The following GAS2 variants were observed in gnomAD, a reference collection of about 807,000 sequenced individuals.
GAS2 encodes growth arrest-specific protein 2.
GAS2 carries 20 observed loss-of-function variants against 37.5 expected under a neutral mutation model. The ratio of observed to expected loss-of-function variants is 0.53; its 90% confidence interval spans 0.37 to 0.77. The LOEUF (loss-of-function observed/expected upper bound fraction) is 0.77, where lower values mean the gene tolerates loss of function less well. Ranked by LOEUF, GAS2 falls within the 30% of genes least tolerant of loss-of-function variation. The probability of loss-of-function intolerance (pLI) is 0.00; values close to 1 mark genes in which losing one functional copy is unlikely to be tolerated. For synonymous variants in GAS2, 144 were observed against 132.2 expected, an observed-to-expected ratio of 1.09 and a Z score of -0.61; for missense variants, 336 against 373.4, an observed-to-expected ratio of 0.90 and a Z score of 0.82.
chr11:22,682,887 GGAAAAA>G (rs1223835380), intron 2 of GAS2, among the ~76,000 whole-genome samples: 1 of 73,672 alleles, frequency 1.4e-5, no homozygotes, highest in African/African-American at 6.5e-5. Flanking sequence ...AAAAAAAAAA[GGAAAAA>G]AAAAAAAAAA....
chr11:22,800,386 G>A (rs1185043612), intron 7 of GAS2, among the ~76,000 whole-genome samples: 1 of 152,044 alleles, frequency 6.6e-6, no homozygotes, highest in Non-Finnish European at 1.5e-5. Flanking sequence ...TATTTCTCAG[G>A]TGAGCTGTAG....
chr11:22,766,270 CTT>C (rs1008690218), intron 7 of GAS2, among the ~76,000 whole-genome samples: 1 of 149,370 alleles, frequency 6.7e-6, no homozygotes, highest in Non-Finnish European at 1.5e-5. Context: ...CCTCACAACT[CTT>C]TGAGGTAGGC....
intron 4 of GAS2, among the ~76,000 whole-genome samples, chr11:22,734,068 G>T (rs1852620844): frequency 6.6e-6 from 1 of 151,702 alleles, no homozygotes; most frequent in Admixed American, 6.6e-5. Context: ...TAGGGCTTTA[G>T]TACAAACACA....
At chr11:22,728,604 G>T (rs1391621708) in intron 4 of GAS2, among the ~76,000 whole-genome samples, 4 of 151,468 alleles carry the variant, frequency 2.6e-5, no homozygotes, top group Non-Finnish European at 3.0e-5. Context: ...AAAATCTTTT[G>T]TAAACTTCTC....
At position 22,744,327 on chromosome 11, in the gene GAS2, C is replaced by T. The variant is rs188342697; in HGVS notation, c.474-4793C>T. ...ACCAGCATCACCCTGATTCCAAAAT[C>T]TGGCAAAGACACAATGAAAAAAGAA... On this transcript the variant is annotated intron_variant, in intron 5 of 7. Coordinates refer to ENST00000454584, the MANE Select transcript of GAS2 (RefSeq NM_001143830.3). Among the ~76,000 whole-genome samples, 1,007 of 152,208 alleles carry T rather than the reference C, an allele frequency of 6.6e-3. 3 individuals are homozygous for T. The highest frequency in any genetic ancestry group is 0.011 in the Non-Finnish European group (721 of 67,980).
intron 7 of GAS2, among the ~76,000 whole-genome samples, chr11:22,799,148 T>C (rs980536330): frequency 1.3e-5 from 2 of 152,018 alleles, no homozygotes; most frequent in African/African-American, 4.8e-5. Flanking sequence ...GCAGTTGGTG[T>C]CAGATACCAT....
intron 3 of GAS2, among the ~76,000 whole-genome samples, chr11:22,704,553 A>AT (rs1851005225): frequency 1.4e-5 from 2 of 144,120 alleles, no homozygotes; most frequent in Non-Finnish European, 3.0e-5. Flanking sequence ...AATTGAAGGG[A>AT]TATTAAACTT....
intron 1 of GAS2, among the ~76,000 whole-genome samples, chr11:22,655,682 C>T (rs1848846642): frequency 6.6e-6 from 1 of 152,198 alleles, no homozygotes; most frequent in South Asian, 2.1e-4. Context: ...CTTATAAAAT[C>T]TGCCTCAATG....
At chr11:22,670,632 C>T (rs1014283702) in intron 1 of GAS2, among the ~76,000 whole-genome samples, 18 of 151,990 alleles carry the variant, frequency 1.2e-4, no homozygotes, top group African/African-American at 2.9e-4. Context: ...AAAAACATAT[C>T]GAATATTAAA....
intron 4 of GAS2, among the ~76,000 whole-genome samples, chr11:22,727,112 A>G (rs1400275975): frequency 6.6e-6 from 1 of 152,042 alleles, no homozygotes; most frequent in African/African-American, 2.4e-5. Context: ...CATACATTGG[A>G]GCATTCAGTG....
In GAS2 at chr11:22,787,846, G is replaced by A. The variant is rs951230523; in HGVS notation, c.724-23952G>A. On this transcript the variant is annotated intron_variant, in intron 7 of 7. Coordinates refer to ENST00000454584, the MANE Select transcript of GAS2 (RefSeq NM_001143830.3). ...GTATTCAGGGTTGGAAAACAGCTTG[G>A]TATCTTGTTAGTTCTTTTGAAAGAG... 2.6e-5 allele frequency among the ~76,000 whole-genome samples: 4 copies of A among 152,154 alleles called. No homozygotes were observed. The South Asian group carries it at 8.3e-4, about 32-fold the overall frequency.
intron 1 of GAS2, among the ~76,000 whole-genome samples, chr11:22,656,868 A>T (rs1042239791): frequency 2.0e-5 from 3 of 151,998 alleles, no homozygotes; most frequent in African/African-American, 7.3e-5. Context: ...TTTCATTTTT[A>T]CTCTATTAAA....
At chr11:22,789,756 C>T (rs1856051034) in intron 7 of GAS2, among the ~76,000 whole-genome samples, 1 of 151,752 alleles carries the variant, frequency 6.6e-6, no homozygotes. Context: ...TGAGCCACCG[C>T]GCCCGGCCAT....
intron 1 of GAS2, among the ~76,000 whole-genome samples, chr11:22,653,367 C>T (rs1848819006): frequency 6.6e-6 from 1 of 152,106 alleles, no homozygotes; most frequent in African/African-American, 2.4e-5. Flanking sequence ...ATTGTGAGGA[C>T]TCAATGAAAT....
rs576718774 is a variant in GAS2 at position 22,686,553 on chromosome 11, TAAAAAAAAAAAAAAAAAAAAAAAA to T, written c.267+789_267+812del. ...CAACATGGCCAAAACCCGTCTCTAC[TAAAAAAAAAAAAAAAAAAAAAAAA>T]AAAAAAAAAAAAAAAAAAAAAAAAT... On this transcript the variant is annotated intron_variant, in intron 3 of 7. Coordinates refer to ENST00000454584, the MANE Select transcript of GAS2 (RefSeq NM_001143830.3). 3.4e-4 allele frequency among the ~76,000 whole-genome samples: 16 copies of T among 47,248 alleles called. 1 individual carries two copies. The highest frequency in any genetic ancestry group is 9.9e-4 in the African/African-American group (13 of 13,184). The allele number at this position is 47,248 out of a possible 152,430, so 31.0% of individuals were successfully genotyped here.
At chr11:22,738,948 A>G (rs1161101427) in intron 5 of GAS2, among the ~76,000 whole-genome samples, 1 of 152,182 alleles carries the variant, frequency 6.6e-6, no homozygotes, top group African/African-American at 2.4e-5. Flanking sequence ...TAAAAAAACA[A>G]TTTGAGACAT....
chr11:22,745,744 A>G (rs1463059579), intron 5 of GAS2, among the ~76,000 whole-genome samples: 1 of 152,188 alleles, frequency 6.6e-6, no homozygotes, highest in Non-Finnish European at 1.5e-5. Flanking sequence ...AAACAATTCA[A>G]TAAGCAAAGC....
At chr11:22,756,252 CAAAG>C (rs1053346406) in intron 7 of GAS2, among the ~76,000 whole-genome samples, 26 of 151,680 alleles carry the variant, frequency 1.7e-4, no homozygotes, top group African/African-American at 6.1e-4. Context: ...TTTAATCTCT[CAAAG>C]TAAGTTTGTG....
chr11:22,789,746 T>G (rs1388197682), intron 7 of GAS2, among the ~76,000 whole-genome samples: 1 of 151,812 alleles, frequency 6.6e-6, no homozygotes, highest in Non-Finnish European at 1.5e-5. Context: ...ATTAGAGGCG[T>G]GAGCCACCGC....
Sources: gnomAD v4.1 joint callset for allele counts (sites outside exome capture counted in the v4.1 genomes callset) on GRCh38, gnomAD v4.1.1 for gene constraint, MANE v1.5 for transcripts, NCBI Gene and HGNC (gene_info 2026-07-23, HGNC 2026-07-21) for gene names.